The following DHRS4 variants were observed in gnomAD, a reference collection of about 807,000 sequenced individuals.
DHRS4 encodes the protein dehydrogenase/reductase 4.
In DHRS4, 20 loss-of-function variants were observed where a neutral mutation model predicts 28.4. The ratio of observed to expected loss-of-function variants is 0.71; its 90% CI spans 0.50 to 1.02. The LOEUF (loss-of-function observed/expected upper bound fraction) is 1.02, where lower values mean the gene tolerates loss of function less well. Among genes scored for constraint, DHRS4 ranks in the 50% least tolerant of loss-of-function variants. DHRS4 has a pLI of 0.00. For missense variants in DHRS4, 378 were observed against 367.2 expected, an observed-to-expected ratio of 1.03 and a Z score of -0.24; for synonymous variants, 144 against 146.4, an observed-to-expected ratio of 0.98 and a Z score of 0.12.
chr14:23,965,832 G>A lies in DHRS4; in HGVS notation c.479G>A (p.Gly160Glu), dbSNP rs1180912987. Residue 160 changes from glycine (G) to glutamate (E), a missense_variant and splice_region_variant, in exon 4 of 8, where the codon GGA becomes GAA. Physicochemically the swap from Gly to Glu is moderately conservative, Grantham distance 98. Transcript: ENST00000313250. ...GTGGTGCCAGAAATGGAGAAACGAG[G>A]GTACAGAGAGTGAGAGAGAGCCTGG... ...KAVVPEMEKR[G>E]GGSVVIVSSI... The A allele has an allele frequency of 1.1e-5, 18 of 1,606,906 alleles. 1 individual carries two copies. Among genetic ancestry groups the A allele is most frequent in the Non-Finnish European group, 1.3e-5 (15 of 1,176,274 alleles).
intron 2 of DHRS4, among the ~76,000 whole-genome samples, chr14:23,957,967 T>C (rs1439306844): frequency 6.6e-6 from 1 of 151,264 alleles, no homozygotes; most frequent in Non-Finnish European, 1.5e-5. Flanking sequence ...GTAGAAAATG[T>C]CTCCAGGTGA....
rs758554224 is a variant in DHRS4, at chr14:23,967,257, G to A, written c.713G>A (p.Arg238Gln). ...GAGGAAAGCATGAAAGAAACCCTGC[G>A]GATAAGAAGGTAAACTGTCATGAGG... ...EKEESMKETL[R>Q]IRRLGEPEDC... The change falls in exon 7 of 8, where the codon CGG becomes CAG. Residue 238 changes from arginine to glutamine, a missense_variant. Coordinates refer to ENST00000313250, the MANE Select transcript of DHRS4 (RefSeq NM_021004.4). The A allele has an allele frequency of 2.9e-5, 46 of 1,612,354 alleles. No homozygotes were observed. The highest frequency in any genetic ancestry group is 4.0e-5 in the African/African-American group (3 of 74,588).
chr14:23,953,818 T>C lies in DHRS4; in HGVS notation c.30T>C (p.Cys10=). MHKAGLLGL[C]ARAWNSVRMA... is the part of the protein sequence containing the mutation. Reference sequence around the variant, plus strand: ...ACAAGGCGGGGCTGCTAGGCCTCTGTGCCCGGGCTTGGAATTCGGTGCGGA... The same window carrying C: ...ACAAGGCGGGGCTGCTAGGCCTCTGCGCCCGGGCTTGGAATTCGGTGCGGA... The change falls in exon 1 of 8, where the codon TGT becomes TGC. Residue 10 remains cysteine, a synonymous_variant. Transcript: ENST00000313250. 6.2e-7 allele frequency: 1 copy of C among 1,614,126 alleles called. No homozygotes were observed. The highest frequency in any genetic ancestry group is 8.5e-7 in the Non-Finnish European group (1 of 1,179,974).
Position 23,968,901 on chromosome 14 carries a change from TG to T in DHRS4, c.*33del. 1 of 1,605,590 alleles carries T rather than the reference TG, an allele frequency of 6.2e-7. No individual in the cohort carries two copies. Among genetic ancestry groups the T allele is most frequent in the Non-Finnish European group, 8.5e-7 (1 of 1,176,116 alleles). ...CGGGAGACAGCCCACAGGCCAGAGTTGGGCTCTAGCTCCTGGTGCTGTTCCC... is the reference window on the plus strand; with the variant it reads ...CGGGAGACAGCCCACAGGCCAGAGTTGGCTCTAGCTCCTGGTGCTGTTCCC... On this transcript the variant is annotated 3_prime_UTR_variant, in exon 8 of 8. Coordinates refer to ENST00000313250, the MANE Select transcript of DHRS4 (RefSeq NM_021004.4).
chr14:23,959,811 T>C lies in DHRS4; in HGVS notation c.307-91T>C, dbSNP rs1228644976. ...CATGATTACAGGCATGAGCCACAGC[T>C]CCTTGCCCAGAAGGAAGTTTTTATC... On this transcript the variant is annotated intron_variant, in intron 2 of 7. Coordinates refer to ENST00000313250, the MANE Select transcript of DHRS4 (RefSeq NM_021004.4). The C allele has an allele frequency of 1.2e-5, 17 of 1,461,866 alleles. No individual in the cohort carries two copies. The East Asian group carries it at 1.6e-4, about 14-fold the overall frequency. The allele number at this position is 1,461,866 out of a possible 1,614,324, so 90.6% of individuals were successfully genotyped here.
At chr14:23,954,898 C>T in intron 1 of DHRS4, 137 bp from the exon 2 acceptor site, 1 of 1,435,674 alleles carries the variant, frequency 7.0e-7, no homozygotes. Flanking sequence ...GCCTGTTTTA[C>T]ACATAGTAGG....
chr14:23,954,649 T>A (rs1170753702), intron 1 of DHRS4, among the ~76,000 whole-genome samples: 1 of 152,236 alleles, frequency 6.6e-6, no homozygotes, highest in Non-Finnish European at 1.5e-5. Context: ...TTGAGAATGA[T>A]GTAGACGAGT....
In DHRS4 at chr14:23,966,283, G is replaced by A. The variant is rs1566477301; in HGVS notation, c.532G>A (p.Gly178Ser). The change falls in exon 6 of 8, where the codon GGC (glycine) becomes AGC (serine). Residue 178 changes from glycine (G) to serine (S), a missense_variant and splice_region_variant. Transcript: ENST00000313250. ...CTAACACATTCTCTTCTTTCTCCAG[G>A]GCTTCAGTCCTTACAATGTCAGTAA... ...SSIAAFSPSP[G>S]FSPYNVSKTA... 2.2e-5 allele frequency: 35 copies of A among 1,611,448 alleles called. No individual in the cohort carries two copies. Among genetic ancestry groups the A allele is most frequent in the Non-Finnish European group, 2.8e-5 (33 of 1,179,194 alleles).
chr14:23,953,896 G>C lies in DHRS4; in HGVS notation c.108G>C (p.Leu36=), dbSNP rs747594038. 6 of 1,602,734 alleles carry C rather than the reference G, an allele frequency of 3.7e-6. No homozygotes were observed. Among genetic ancestry groups the C allele is most frequent in the Non-Finnish European group, 5.1e-6 (6 of 1,174,954 alleles). Residue 36 remains leucine, a synonymous_variant, in exon 1 of 8, where the codon CTG becomes CTC. Coordinates refer to ENST00000313250, the MANE Select transcript of DHRS4 (RefSeq NM_021004.4). ...RRDPLANKVA[L]VTASTDGIGF... ...ACCCGCTCGCAAATAAGGTGGCCCT[G>C]GTAACGGCCTCCACCGACGGGTGAG...
At position 23,954,148 on chromosome 14, in the gene DHRS4, T is replaced by G. The variant is rs1023669839; in HGVS notation, c.128+232T>G. 7 of 611,584 alleles carry G rather than the reference T, an allele frequency of 1.1e-5. No homozygotes were observed. In the African/African-American group the frequency reaches 1.3e-4, roughly 11 times the overall value. The allele number at this position is 611,584 out of a possible 1,614,324, so 37.9% of individuals were successfully genotyped here. A position where few individuals can be genotyped will look rare whatever the true frequency, so the allele number is the denominator to read the frequency against. The stretch of plus-strand genomic sequence containing the variant: ...ACCTCTGGCACAACTGTGCCACCTC[T>G]GTGCAGCCCTATCGATCTAGTCTCC... On this transcript the variant is annotated intron_variant, in intron 1 of 7. Transcript: ENST00000313250.
chr14:23,968,949 C>T lies in DHRS4; in HGVS notation c.*78C>T. On this transcript the variant is annotated 3_prime_UTR_variant, in exon 8 of 8. Transcript: ENST00000313250. ...TCCCGCATTCACCCACTGGCCTTTC[C>T]CACCTCTGCTCACCTTACTGTTCAC... The T allele has an allele frequency of 6.4e-7, 1 of 1,568,540 alleles. No homozygotes were observed. The highest frequency in any genetic ancestry group is 1.8e-5 in the Admixed American group (1 of 54,678).
chr14:23,954,387 G>A (rs947105331), intron 1 of DHRS4, among the ~76,000 whole-genome samples: 1 of 152,116 alleles, frequency 6.6e-6, no homozygotes, highest in Non-Finnish European at 1.5e-5. Flanking sequence ...CGAGATTTTT[G>A]TTTAGGTCGG....
At chr14:23,959,602 G>A (rs147676883) in intron 2 of DHRS4, among the ~76,000 whole-genome samples, 2,002 of 151,976 alleles carry the variant, frequency 0.013, 49 homozygotes, top group African/African-American at 0.045. Context: ...CAGATCTTAG[G>A]GTAGTTTTCA....
At chr14:23,955,278 C>T (rs1367563586) in intron 2 of DHRS4, 66 bp downstream of exon 2, 20 of 1,529,214 alleles carry the variant, frequency 1.3e-5, no homozygotes, top group South Asian at 3.7e-5. Context: ...AGCCTCCTTC[C>T]CTGCTTTCCT....
chr14:23,967,194 T>A lies in DHRS4; in HGVS notation c.667-17T>A, dbSNP rs775614293. On this transcript the variant is annotated splice_polypyrimidine_tract_variant and intron_variant, in intron 6 of 7. Transcript: ENST00000313250. ...AAAGAAAAAAAAAACATAAAGAGAT[T>A]TCCCTTCTTCCTGCAGCTCTGGATG... The A allele has an allele frequency of 5.6e-6, 9 of 1,603,360 alleles. No homozygotes were observed. Among genetic ancestry groups the A allele is most frequent in the Non-Finnish European group, 7.6e-6 (9 of 1,176,814 alleles).
intron 2 of DHRS4, among the ~76,000 whole-genome samples, chr14:23,957,551 A>G (rs1594417936): frequency 1.4e-5 from 2 of 138,300 alleles, no homozygotes; most frequent in South Asian, 2.1e-4. Context: ...GACTTAGAAG[A>G]CTTTCCTTTT....
At chr14:23,966,561 A>G in intron 6 of DHRS4, 144 bp downstream of exon 6, 3 of 1,363,376 alleles carry the variant, frequency 2.2e-6, no homozygotes, top group Admixed American at 4.9e-5. Context: ...TCTCTGTACC[A>G]CCTGCCCTAT....
rs377622544 is a variant in DHRS4, at chr14:23,968,918, T to A, written c.*47T>A. 1.6e-4 allele frequency: 259 copies of A among 1,605,416 alleles called. 3 individuals carry two copies. The highest frequency in any genetic ancestry group is 2.2e-4 in the Non-Finnish European group (253 of 1,175,994). On this transcript the variant is annotated 3_prime_UTR_variant, in exon 8 of 8. Coordinates refer to ENST00000313250, the MANE Select transcript of DHRS4 (RefSeq NM_021004.4). ...GCCAGAGTTGGGCTCTAGCTCCTGGTGCTGTTCCCGCATTCACCCACTGGC... is the reference window on the plus strand; with the variant it reads ...GCCAGAGTTGGGCTCTAGCTCCTGGAGCTGTTCCCGCATTCACCCACTGGC...
intron 3 of DHRS4, among the ~76,000 whole-genome samples, chr14:23,964,247 AAAAAAAAC>A (rs1566475599): frequency 5.4e-5 from 7 of 129,720 alleles, no homozygotes; most frequent in African/African-American, 2.0e-4. Context: ...AAAAAAAAAA[AAAAAAAAC>A]ACAATATCTG....
Sources: allele counts gnomAD v4.1 joint callset (sites outside exome capture counted in the v4.1 genomes callset), GRCh38; gene constraint gnomAD v4.1.1; transcripts MANE v1.5; gene names NCBI Gene and HGNC (gene_info 2026-07-23, HGNC 2026-07-21).